STXBP5L: variants seen among roughly 807,000 people sequenced by gnomAD.
The protein encoded by STXBP5L is syntaxin-binding protein 5-like.
Under a neutral mutation model 144.5 loss-of-function variants are expected in STXBP5L, and 65 were observed. The observed-to-expected ratio is 0.45, with a 90% CI of 0.37 to 0.55. The LOEUF is 0.55. Among genes scored for constraint, STXBP5L ranks in the 20% least tolerant of loss-of-function variants. The probability of loss-of-function intolerance (pLI) is 0.00; values close to 1 mark genes in which losing one functional copy is unlikely to be tolerated. For missense variants in STXBP5L, 1,298 were observed against 1,405.5 expected, an observed-to-expected ratio of 0.92 and a Z score of 1.22; for synonymous variants, 505 against 469.6, an observed-to-expected ratio of 1.08 and a Z score of -0.97.
intron 7 of STXBP5L, among the ~76,000 whole-genome samples, chr3:121,141,733 C>A (rs1426771861): frequency 6.6e-6 from 1 of 151,746 alleles, no homozygotes; most frequent in Admixed American, 6.6e-5. Flanking sequence ...TTATGTAAGT[C>A]CTAAGGTAAC....
chr3:121,337,201 G>A (rs764182161), intron 20 of STXBP5L, among the ~76,000 whole-genome samples: 15 of 150,544 alleles, frequency 1.0e-4, no homozygotes, highest in Admixed American at 4.0e-4. Context: ...CCCATGACAT[G>A]AGTTTACTTA....
chr3:121,180,921 A>G (rs1344881671), intron 9 of STXBP5L, among the ~76,000 whole-genome samples: 1 of 151,796 alleles, frequency 6.6e-6, no homozygotes, highest in Non-Finnish European at 1.5e-5. Context: ...AAAAGAAAAG[A>G]AAGAGAAAGA....
intron 19 of STXBP5L, among the ~76,000 whole-genome samples, chr3:121,310,645 A>G (rs1331092451): frequency 6.6e-6 from 1 of 152,062 alleles, no homozygotes. Context: ...ATGGTGGCTT[A>G]TGCCTGTAAT....
chr3:121,211,741 G>C (rs538745687), intron 10 of STXBP5L, among the ~76,000 whole-genome samples: 2 of 151,978 alleles, frequency 1.3e-5, no homozygotes, highest in African/African-American at 4.8e-5. Context: ...ACCATTCCCA[G>C]CTAATTTTTG....
At chr3:120,931,551 G>A (rs1020187051) in intron 2 of STXBP5L, among the ~76,000 whole-genome samples, 6 of 152,078 alleles carry the variant, frequency 3.9e-5, no homozygotes, top group Non-Finnish European at 5.9e-5. Flanking sequence ...AGCTGTTAGA[G>A]GTTGCTTATT....
chr3:121,164,823 A>T (rs1226012635), intron 9 of STXBP5L, among the ~76,000 whole-genome samples: 2 of 152,100 alleles, frequency 1.3e-5, no homozygotes, highest in African/African-American at 4.8e-5. Flanking sequence ...CACATGTGAA[A>T]TTTTTTTTAA....
At chr3:121,338,760 T>G (rs2044602856) in intron 20 of STXBP5L, among the ~76,000 whole-genome samples, 1 of 152,034 alleles carries the variant, frequency 6.6e-6, no homozygotes, top group Non-Finnish European at 1.5e-5. Context: ...TTAAGACTAC[T>G]ATGAACACCT....
At chr3:121,362,627 G>T (rs528408269) in intron 20 of STXBP5L, among the ~76,000 whole-genome samples, 1 of 152,142 alleles carries the variant, frequency 6.6e-6, no homozygotes, top group African/African-American at 2.4e-5. Flanking sequence ...AGCCTTCACG[G>T]CAGTGAGTTA....
Position 121,378,784 on chromosome 3 carries a change from G to A in STXBP5L, c.2245G>A (p.Ala749Thr). The A allele has an allele frequency of 1.9e-6, 3 of 1,613,700 alleles. No homozygotes were observed. Among genetic ancestry groups the A allele is most frequent in the Non-Finnish European group, 2.5e-6 (3 of 1,179,830 alleles). Residue 749 changes from alanine to threonine, a missense_variant, in exon 21 of 27, where the codon GCC becomes ACC. Physicochemically the swap from Ala to Thr is moderately conservative, Grantham distance 58 (BLOSUM62 0). Transcript: ENST00000471454. The part of the protein sequence containing the change: ...SCSSGKRLSS[A>T]DVSKVNRWGP... The stretch of plus-strand genomic sequence containing the variant: ...CAGTTCTGGAAAACGTCTTTCTAGT[G>A]CCGATGTTTCAAAAGTAAATCGCTG...
intron 20 of STXBP5L, among the ~76,000 whole-genome samples, chr3:121,364,916 T>C (rs1576292994): frequency 1.3e-5 from 2 of 152,076 alleles, no homozygotes; most frequent in East Asian, 1.9e-4. Flanking sequence ...TGAGTGTTTT[T>C]ATTATAAAAG....
chr3:121,068,235 C>T (rs2041640200), intron 5 of STXBP5L, among the ~76,000 whole-genome samples: 1 of 152,058 alleles, frequency 6.6e-6, no homozygotes, highest in Non-Finnish European at 1.5e-5. Flanking sequence ...GTCTCAATCT[C>T]TTGACCTTGA....
At chr3:121,103,929 C>T (rs938949916) in intron 5 of STXBP5L, among the ~76,000 whole-genome samples, 12 of 152,126 alleles carry the variant, frequency 7.9e-5, no homozygotes, top group East Asian at 3.9e-4. Flanking sequence ...CAGGGTATTA[C>T]GTAAGTGAAC....
At chr3:121,250,694 T>G (rs760471859) in intron 14 of STXBP5L, 29 bp from the exon 15 acceptor site, 11 of 1,576,230 alleles carry the variant, frequency 7.0e-6, no homozygotes, top group Non-Finnish European at 9.5e-6. Flanking sequence ...TAGTATACTT[T>G]AATTAATGCT....
intron 3 of STXBP5L, among the ~76,000 whole-genome samples, chr3:120,976,380 T>A (rs1012155941): frequency 6.6e-6 from 1 of 152,130 alleles, no homozygotes; most frequent in East Asian, 1.9e-4. Context: ...TCTGTGGGAT[T>A]GGTGGTGATA....
chr3:121,151,312 A>AT (rs548523490), intron 7 of STXBP5L, among the ~76,000 whole-genome samples: 46 of 152,246 alleles, frequency 3.0e-4, no homozygotes, highest in East Asian at 1.5e-3. Context: ...AAAAAGCTCA[A>AT]TTTTTTGTCA....
chr3:121,313,060 C>A (rs909050114), intron 19 of STXBP5L, among the ~76,000 whole-genome samples: 1 of 150,802 alleles, frequency 6.6e-6, no homozygotes, highest in Admixed American at 6.6e-5. Context: ...CCCCTCACCT[C>A]CCGGATGGGG....
chr3:121,188,848 T>C (rs964304483), intron 9 of STXBP5L, among the ~76,000 whole-genome samples: 3 of 152,280 alleles, frequency 2.0e-5, no homozygotes, highest in African/African-American at 4.8e-5. Context: ...CCACAGTCAA[T>C]ATCATACTGA....
In STXBP5L at chr3:121,055,174, G is replaced by T. The variant is rs149282374; in HGVS notation, c.470+9639G>T. Among the ~76,000 whole-genome samples the T allele has an allele frequency of 4.5e-3, 690 of 152,232 alleles. 4 individuals carry two copies. Among genetic ancestry groups the T allele is most frequent in the African/African-American group, 0.016 (658 of 41,534 alleles). On this transcript the variant is annotated intron_variant, in intron 5 of 26. Transcript: ENST00000471454. The stretch of plus-strand genomic sequence containing the variant: ...CTCTTAAGAAAGATACATACATATT[G>T]TCATGTAACATGAGAATATTCATTA...
At chr3:120,984,930 T>A (rs1942154579) in intron 3 of STXBP5L, among the ~76,000 whole-genome samples, 1 of 152,100 alleles carries the variant, frequency 6.6e-6, no homozygotes, top group Non-Finnish European at 1.5e-5. Context: ...TTGTGTGTTT[T>A]TTCCCATTCA....
Sources: gnomAD v4.1 joint callset for allele counts (sites outside exome capture counted in the v4.1 genomes callset) on GRCh38, gnomAD v4.1.1 for gene constraint, MANE v1.5 for transcripts, NCBI Gene and HGNC (gene_info 2026-07-23, HGNC 2026-07-21) for gene names.